The following TRPV3 variants were observed in gnomAD, a reference collection of about 807,000 sequenced individuals.
TRPV3 encodes the protein VRL-3.
A neutral mutation model predicts 87.1 loss-of-function variants in TRPV3; 88 were observed. The observed-to-expected ratio is 1.01, with a 90% CI of 0.85 to 1.21. The LOEUF (loss-of-function observed/expected upper bound fraction) is 1.21. TRPV3 is among the 50% of genes most tolerant of loss of function. The probability of loss-of-function intolerance (pLI) is 0.00; values close to 1 mark genes in which losing one functional copy is unlikely to be tolerated. For synonymous variants in TRPV3, 438 were observed against 423.3 expected (o/e 1.03, Z -0.43); for missense variants, 1,054 against 1,030.1 (o/e 1.02, Z -0.32).
intron 2 of TRPV3, among the ~76,000 whole-genome samples, chr17:3,549,694 G>A (rs1222250066): frequency 1.3e-5 from 2 of 150,518 alleles, no homozygotes; most frequent in Admixed American, 6.8e-5. Context: ...GTAGATGAGT[G>A]GATGGATGAT....
intron 12 of TRPV3, 26 bp from the exon 13 acceptor site, chr17:3,524,389 G>A (rs1402618633): frequency 6.2e-7 from 1 of 1,612,176 alleles, no homozygotes. Context: ...AGGAGACACG[G>A]GCCTTACTTA....
At chr17:3,514,746 G>A in intron 16 of TRPV3, 74 bp from the exon 17 acceptor site, 2 of 1,211,822 alleles carry the variant, frequency 1.7e-6, no homozygotes, top group Non-Finnish European at 1.2e-6. Context: ...CTGCGTTTGG[G>A]ACGTCCTGGT....
At chr17:3,542,723 T>A in intron 5 of TRPV3, 25 bp from the exon 6 acceptor site, 1 of 1,608,684 alleles carries the variant, frequency 6.2e-7, no homozygotes, top group Non-Finnish European at 8.5e-7. Flanking sequence ...ATGGGTGGAG[T>A]TACAGGAGGG....
In TRPV3 at chr17:3,545,245, C is replaced by T. The variant is rs745408228; in HGVS notation, c.146G>A (p.Gly49Glu). 3.1e-6 allele frequency: 5 copies of T among 1,613,696 alleles called. No homozygotes were observed. In the East Asian group the frequency reaches 8.9e-5, roughly 29 times the overall value. The change falls in exon 3 of 18, where the codon GGG becomes GAG. Residue 49 changes from glycine (G) to glutamate (E), a missense_variant. Gly to Glu is a moderately conservative substitution (Grantham distance 98). Coordinates refer to ENST00000576742, the MANE Select transcript of TRPV3 (RefSeq NM_145068.4). ...KSAHFFLEIEGFEPNPTVAKT... is the reference protein window; with the variant it reads ...KSAHFFLEIEEFEPNPTVAKT... ...GGCAACTGTGGGGTTGGGTTCAAAC[C>T]CTTCTATCTCCAGGAAGAAGTGTGC...
intron 7 of TRPV3, 60 bp from the exon 8 acceptor site, chr17:3,532,997 G>T: frequency 6.3e-7 from 1 of 1,586,168 alleles, no homozygotes. Context: ...CGTCCCCCAA[G>T]CCCCAGGACT....
At chr17:3,540,466 G>A (rs2074448323) in intron 6 of TRPV3, among the ~76,000 whole-genome samples, 1 of 152,140 alleles carries the variant, frequency 6.6e-6, no homozygotes, top group Non-Finnish European at 1.5e-5. Context: ...GAGGGAAAGG[G>A]GAGGCTAAGA....
rs2074207380 is a variant in TRPV3, at chr17:3,518,829, T to C, written c.1832A>G (p.Lys611Arg). 6 of 1,613,944 alleles carry C rather than the reference T, an allele frequency of 3.7e-6. No individual in the cohort carries two copies. The highest frequency in any genetic ancestry group is 5.1e-6 in the Non-Finnish European group (6 of 1,179,850). The part of the protein sequence containing the change: ...FGVALASLIE[K>R]CPKDNKDCSS... ...GCAGTCCTTGTTGTCTTTGGGACACTTCTCGATCAGCGAGGCCAAGGCTAA... is the reference window on the plus strand; with the variant it reads ...GCAGTCCTTGTTGTCTTTGGGACACCTCTCGATCAGCGAGGCCAAGGCTAA... The change falls in exon 15 of 18, where the codon AAG becomes AGG. Residue 611 changes from lysine to arginine, a missense_variant. By Grantham distance (26) the Lys-to-Arg change is conservative. Coordinates refer to ENST00000576742, the MANE Select transcript of TRPV3 (RefSeq NM_145068.4). This position sits in a 1 kb window ranked among gnomAD's most constrained non-coding sequence, Gnocchi z 4.3.
At chr17:3,517,271 G>A (rs1172288773) in intron 15 of TRPV3, among the ~76,000 whole-genome samples, 1 of 151,968 alleles carries the variant, frequency 6.6e-6, no homozygotes, top group African/African-American at 2.4e-5. Context: ...TCTCTCTGCA[G>A]TTTCCTGGCC....
At chr17:3,523,102 T>C (rs137995123) in intron 13 of TRPV3, among the ~76,000 whole-genome samples, 178 of 152,312 alleles carry the variant, frequency 1.2e-3, no homozygotes, top group African/African-American at 4.0e-3. Context: ...GTTTTGTTGA[T>C]ATCTAGATCT....
At chr17:3,532,589 GCT>G in intron 8 of TRPV3, 66 bp downstream of exon 8, 4 of 1,566,594 alleles carry the variant, frequency 2.6e-6, no homozygotes, top group Non-Finnish European at 3.5e-6. Flanking sequence ...GGCCCCCGGG[GCT>G]GAGAGGGTGG....
rs772546383 is a variant in TRPV3, at chr17:3,544,636, G to A, written c.254C>T (p.Ser85Phe). ...CISGNCDDMD[S>F]PQSPQDDVTE... ...CACATCATCCTGAGGAGACTGGGGGGAGTCCATGTCATCACAGTTACCAGA... is the reference window on the plus strand; with the variant it reads ...CACATCATCCTGAGGAGACTGGGGGAAGTCCATGTCATCACAGTTACCAGA... The change falls in exon 4 of 18, where the codon TCC becomes TTC. Residue 85 changes from serine (S) to phenylalanine (F), a missense_variant. Ser to Phe is a radical substitution (Grantham distance 155). Transcript: ENST00000576742. 2 of 1,609,826 alleles carry A rather than the reference G, an allele frequency of 1.2e-6. No individual in the cohort carries two copies. The highest frequency in any genetic ancestry group is 8.5e-7 in the Non-Finnish European group (1 of 1,179,182).
At chr17:3,546,971 A>AAAAAAAAAAAAAAAAC (rs1465437779) in intron 2 of TRPV3, among the ~76,000 whole-genome samples, 1 of 151,666 alleles carries the variant, frequency 6.6e-6, no homozygotes, top group African/African-American at 2.4e-5. Context: ...CCTTCTCAAA[A>AAAAAAAAAAAAAAAAC]AAAAAAAACT....
chr17:3,537,306 A>C (rs183401762), intron 6 of TRPV3, among the ~76,000 whole-genome samples: 162 of 152,352 alleles, frequency 1.1e-3, no homozygotes, highest in Admixed American at 1.8e-3. Flanking sequence ...ACAGTTAATC[A>C]AACAAAGCAA....
intron 13 of TRPV3, among the ~76,000 whole-genome samples, chr17:3,523,622 G>A (rs1169745785): frequency 6.6e-6 from 1 of 151,616 alleles, no homozygotes; most frequent in Admixed American, 6.6e-5. Context: ...GGAGGCTGAG[G>A]CAGGAGAACT....
In TRPV3 at chr17:3,510,633, T is replaced by C. The variant is rs1456614874; in HGVS notation, c.*3284A>G. 2 of 152,240 alleles carry C rather than the reference T, an allele frequency of 1.3e-5. No homozygotes were observed. Among genetic ancestry groups the C allele is most frequent in the Admixed American group, 6.5e-5 (1 of 15,286 alleles). 9.4% of individuals were successfully genotyped at this position (152,240 alleles called of 1,614,324 possible). A position where few individuals can be genotyped will look rare whatever the true frequency, so the allele number is the denominator to read the frequency against. On this transcript the variant is annotated 3_prime_UTR_variant, in exon 18 of 18. Coordinates refer to ENST00000576742, the MANE Select transcript of TRPV3 (RefSeq NM_145068.4). ...CACACACATACACACTAAGAACAAG[T>C]AGGTAAATGAGAATTTACAAGGATC...
intron 16 of TRPV3, among the ~76,000 whole-genome samples, chr17:3,515,351 G>A (rs373131449): frequency 5.2e-4 from 79 of 152,232 alleles, no homozygotes; most frequent in African/African-American, 1.7e-3. Context: ...GTAGGAGGAG[G>A]TGGGCTTATC....
rs1195488203 is a variant in TRPV3 at position 3,518,183 on chromosome 17, C to T, written c.2085+393G>A. On this transcript the variant is annotated intron_variant, in intron 15 of 17. Coordinates refer to ENST00000576742, the MANE Select transcript of TRPV3 (RefSeq NM_145068.4). The surrounding 1 kb of genome is among the most constrained non-coding windows in gnomAD (Gnocchi z 4.3). ...CCCAAACCTGGTTACCACCTCTGAA[C>T]CCATCCTATGCATTGGTTTCCTCAG... is the stretch of plus-strand genomic sequence containing the variant. 2.0e-5 allele frequency among the ~76,000 whole-genome samples: 3 copies of T among 152,108 alleles called. No homozygotes were observed. Among genetic ancestry groups the T allele is most frequent in the Non-Finnish European group, 4.4e-5 (3 of 68,038 alleles).
chr17:3,522,447 TATC>T (rs1188034215), intron 13 of TRPV3, among the ~76,000 whole-genome samples: 1 of 152,230 alleles, frequency 6.6e-6, no homozygotes, highest in Non-Finnish European at 1.5e-5. Flanking sequence ...AGTATATTGT[TATC>T]ATTGTTCTGT....
intron 15 of TRPV3, 131 bp from the exon 16 acceptor site, chr17:3,516,700 T>C (rs915799633): frequency 2.9e-6 from 2 of 683,748 alleles, no homozygotes; most frequent in Admixed American, 4.7e-5. Context: ...GTTTGGCTAA[T>C]CTACAGAATT....
Sources: allele counts gnomAD v4.1 joint callset (sites outside exome capture counted in the v4.1 genomes callset), GRCh38; gene constraint gnomAD v4.1.1; non-coding constraint Gnocchi (gnomAD v3.1); transcripts MANE v1.5; gene names NCBI Gene and HGNC (gene_info 2026-07-23, HGNC 2026-07-21).